LCT: variants seen among roughly 807,000 people sequenced by gnomAD.
LCT encodes the protein lactase.
Under a neutral mutation model 173.0 loss-of-function variants are expected in LCT, and 90 were observed. That is an observed-to-expected ratio of 0.52 (90% CI 0.44 to 0.62). The LOEUF (loss-of-function observed/expected upper bound fraction) is 0.62. Ranked by LOEUF, LCT falls within the 20% of genes least tolerant of loss-of-function variation. The probability of loss-of-function intolerance (pLI) is 0.00; values close to 1 mark genes in which losing one functional copy is unlikely to be tolerated. For missense variants in LCT, 1,864 were observed against 2,431.4 expected (o/e 0.77, Z 4.91); for synonymous variants, 853 against 957.6 (o/e 0.89, Z 2.02).
intron 10 of LCT, 151 bp from the exon 11 acceptor site, chr2:135,804,279 A>C (rs1480447529): frequency 2.8e-6 from 2 of 720,132 alleles, no homozygotes; most frequent in Non-Finnish European, 4.9e-6. Context: ...CTTTTGGGAA[A>C]AGGGTAAATT....
intron 14 of LCT, among the ~76,000 whole-genome samples, chr2:135,791,250 T>C (rs1362255110): frequency 6.6e-6 from 1 of 152,244 alleles, no homozygotes; most frequent in Admixed American, 6.5e-5. Flanking sequence ...ACGCCAGTGC[T>C]GTGTCTTCAG....
chr2:135,809,494 G>T lies in LCT; in HGVS notation c.2853C>A (p.Ile951=). 1 of 1,614,120 alleles carries T rather than the reference G, an allele frequency of 6.2e-7. No individual in the cohort carries two copies. The highest frequency in any genetic ancestry group is 2.2e-5 in the East Asian group (1 of 44,894). The change falls in exon 8 of 17, where the codon ATC becomes ATA. Residue 951 remains isoleucine (I), a synonymous_variant. Transcript: ENST00000264162. This position sits in a 1 kb window ranked among gnomAD's most constrained non-coding sequence, Gnocchi z 5.5. ...SNVKDNATGD[I]ACDSYHQLDA... The stretch of plus-strand genomic sequence containing the variant: ...CCAGCTGGTGATAGCTGTCACAGGC[G>T]ATGTCTCCAGTGGCATTGTCTTTCA...
At position 135,836,689 on chromosome 2, in the gene LCT, A is replaced by T. The variant is rs763529420; in HGVS notation, c.481T>A (p.Ser161Thr). The change falls in exon 1 of 17, where the codon TCC becomes ACC. Residue 161 changes from serine to threonine, a missense_variant. By Grantham distance (58) the Ser-to-Thr change is moderately conservative. Around this residue, in one of 4 missense-constraint regions of LCT, gnomAD observed 412 missense variants for 462.0 expected, o/e 0.89. Transcript: ENST00000264162. Reference sequence around the variant, plus strand: ...CAGATCCCAACTAGGTCCCCGAAGGAGTGGAAGGCGAATGTGGCATAGTCG... The same window carrying T: ...CAGATCCCAACTAGGTCCCCGAAGGTGTGGAAGGCGAATGTGGCATAGTCG... The part of the protein sequence containing the change: ...FADYATFAFH[S>T]FGDLVGIWFT... The T allele has an allele frequency of 2.5e-6, 4 of 1,614,134 alleles. No homozygotes were observed. Among genetic ancestry groups the T allele is most frequent in the Non-Finnish European group, 3.4e-6 (4 of 1,180,022 alleles).
chr2:135,802,205 G>GT (rs2077633283), intron 11 of LCT, among the ~76,000 whole-genome samples: 1 of 152,196 alleles, frequency 6.6e-6, no homozygotes, highest in East Asian at 1.9e-4. Context: ...CTTTCCAGCT[G>GT]TTACACAGTG....
intron 3 of LCT, among the ~76,000 whole-genome samples, chr2:135,824,683 A>C (rs2105550078): frequency 6.6e-6 from 1 of 152,186 alleles, no homozygotes; most frequent in South Asian, 2.1e-4. Flanking sequence ...TTACTTTTGG[A>C]TGTTAGAAAT....
intron 2 of LCT, among the ~76,000 whole-genome samples, chr2:135,832,044 C>T (rs1455405482): frequency 6.6e-6 from 1 of 151,868 alleles, no homozygotes; most frequent in East Asian, 1.9e-4. Context: ...TGGTGAAACC[C>T]CATCTCTACT....
Position 135,798,148 on chromosome 2 carries a change from G to T in LCT, c.4867-10C>A, listed in dbSNP as rs748840194. On this transcript the variant is annotated splice_polypyrimidine_tract_variant and intron_variant, in intron 12 of 16. Coordinates refer to ENST00000264162, the MANE Select transcript of LCT (RefSeq NM_002299.4). ...ACCAGCCTCCCATGAACTGCGGGTA[G>T]GGTGGGGGAGACAGCCCAGGCGTTA... 4.1e-6 allele frequency: 6 copies of T among 1,458,718 alleles called. No homozygotes were observed. Among genetic ancestry groups the T allele is most frequent in the Non-Finnish European group, 5.8e-6 (6 of 1,036,176 alleles). 90.4% of individuals were successfully genotyped at this position (1,458,718 alleles called of 1,614,324 possible). A position where few individuals can be genotyped will look rare whatever the true frequency, so the allele number is the denominator to read the frequency against.
rs775670712 is a variant in LCT at position 135,810,043 on chromosome 2, T to C, written c.2354-50A>G. The C allele has an allele frequency of 2.7e-5, 36 of 1,315,992 alleles. No individual in the cohort carries two copies. In the Admixed American group the frequency reaches 5.2e-4, roughly 19 times the overall value. The allele number at this position is 1,315,992 out of a possible 1,614,324, so 81.5% of individuals were successfully genotyped here. On this transcript the variant is annotated intron_variant, in intron 7 of 16. Transcript: ENST00000264162. Reference sequence around the variant, plus strand: ...TTTATTTATTTATGGATTTATTTAATTGAGATGGGGTCTCACTGTATTGCC... The same window carrying C: ...TTTATTTATTTATGGATTTATTTAACTGAGATGGGGTCTCACTGTATTGCC...
intron 11 of LCT, 100 bp downstream of exon 11, chr2:135,803,830 G>T: frequency 9.3e-7 from 1 of 1,070,994 alleles, no homozygotes; most frequent in Non-Finnish European, 1.4e-6. Context: ...CTGCCATGGG[G>T]CTTTCTTGGT....
chr2:135,794,690 C>T lies in LCT; in HGVS notation c.5062G>A (p.Ala1688Thr). ...GCAGTGGCATAGTTGAGGTTGTAGG[C>T]GAGGACAGTGGTGTAGTGATTGAAC... ...FGFNHYTTVL[A>T]YNLNYATAIS... Residue 1688 changes from alanine to threonine, a missense_variant, in exon 14 of 17, where the codon GCC becomes ACC. By Grantham distance (58) the Ala-to-Thr change is moderately conservative. This residue lies in a region of LCT where 514 missense variants were observed against 750.1 expected (regional missense o/e 0.69). Coordinates refer to ENST00000264162, the MANE Select transcript of LCT (RefSeq NM_002299.4). 1.2e-6 allele frequency: 2 copies of T among 1,614,060 alleles called. No individual in the cohort carries two copies. Among genetic ancestry groups the T allele is most frequent in the Middle Eastern group, 1.7e-4 (1 of 6,054 alleles).
At chr2:135,820,305 G>C (rs1272486707) in intron 5 of LCT, 6 of 152,234 alleles carry the variant, frequency 3.9e-5, no homozygotes, top group African/African-American at 1.4e-4. Context: ...GGTGTCACTT[G>C]TAATCACTGG....
At chr2:135,789,511 G>T (rs1040071169) in intron 16 of LCT, 60 bp downstream of exon 16, 2 of 1,168,320 alleles carry the variant, frequency 1.7e-6, no homozygotes, top group African/African-American at 3.0e-5. Context: ...CAGACTGAGA[G>T]AGGCCCTTCC....
At chr2:135,810,203 G>A in intron 7 of LCT, 3 of 556,606 alleles carry the variant, frequency 5.4e-6, no homozygotes, top group Non-Finnish European at 9.5e-6. Flanking sequence ...AGAAGGGGGA[G>A]AAGGGTATTA....
At position 135,807,354 on chromosome 2, in the gene LCT, C is replaced by G. The variant is rs199709300; in HGVS notation, c.3947G>C (p.Trp1316Ser). The G allele has an allele frequency of 4.5e-5, 72 of 1,614,116 alleles. No homozygotes were observed. The East Asian group carries it at 1.2e-3, about 26-fold the overall frequency. ...CCACTCAAAGTTGTCCATCAGAGAC[C>G]AGGCGACATACCCTCGAAGGTCTAT... ...DGIDLRGYVA[W>S]SLMDNFEWLN... is the part of the protein sequence containing the mutation. The change falls in exon 9 of 17, where the codon TGG (tryptophan) becomes TCG (serine). Residue 1316 changes from tryptophan to serine, a missense_variant. By Grantham distance (177) the Trp-to-Ser change is radical. Transcript: ENST00000264162.
At chr2:135,818,308 A>G (rs2077798297) in intron 5 of LCT, among the ~76,000 whole-genome samples, 2 of 152,180 alleles carry the variant, frequency 1.3e-5, no homozygotes, top group South Asian at 2.1e-4. Flanking sequence ...TGTTCTCTGT[A>G]TTAGATTGCC....
At chr2:135,822,881 G>C (rs1326825162) in intron 4 of LCT, 1 of 152,424 alleles carries the variant, frequency 6.6e-6, no homozygotes, top group Non-Finnish European at 1.5e-5. Flanking sequence ...CATTCTAGTG[G>C]GACTGGATTA....
rs1473177533 is a variant in LCT at position 135,787,875 on chromosome 2, GAA to G, written c.*447_*448del. On this transcript the variant is annotated 3_prime_UTR_variant, in exon 17 of 17. Coordinates refer to ENST00000264162, the MANE Select transcript of LCT (RefSeq NM_002299.4). ...GACAGTCTGCTGTTTTTATTTTCTG[GAA>G]AACACAAGATGTGAAGCTAGGGAGA... The G allele has an allele frequency of 5.7e-6, 1 of 175,130 alleles. No homozygotes were observed. Among genetic ancestry groups the G allele is most frequent in the Admixed American group, 5.7e-5 (1 of 17,442 alleles). The allele number at this position is 175,130 out of a possible 1,614,324, so 10.8% of individuals were successfully genotyped here. A position where few individuals can be genotyped will look rare whatever the true frequency, so the allele number is the denominator to read the frequency against.
chr2:135,821,328 C>A (rs1367868641), intron 5 of LCT, among the ~76,000 whole-genome samples: 2 of 152,200 alleles, frequency 1.3e-5, no homozygotes, highest in East Asian at 3.8e-4. Flanking sequence ...CAACAGCTGG[C>A]TTTCCTGTCT....
intron 11 of LCT, among the ~76,000 whole-genome samples, chr2:135,803,063 T>C (rs913376201): frequency 3.3e-5 from 5 of 151,940 alleles, no homozygotes; most frequent in Admixed American, 2.6e-4. Flanking sequence ...AGTGAGCTGG[T>C]ATCATACCAC....
Sources: allele counts gnomAD v4.1 joint callset (sites outside exome capture counted in the v4.1 genomes callset), GRCh38; gene constraint gnomAD v4.1.1; regional missense constraint gnomAD v4.1.1; non-coding constraint Gnocchi (gnomAD v3.1); transcripts MANE v1.5; gene names NCBI Gene and HGNC (gene_info 2026-07-23, HGNC 2026-07-21).